Variants in LHCGR observed in about 807,000 individuals in gnomAD.
The protein encoded by LHCGR is lutropin-choriogonadotropic hormone receptor.
In LHCGR, 55 loss-of-function variants were observed where a neutral mutation model predicts 60.7. The ratio of observed to expected loss-of-function variants is 0.91; its 90% CI spans 0.73 to 1.13. LHCGR has a LOEUF of 1.13. Ranked by LOEUF, LHCGR falls within the 50% of genes most tolerant of loss-of-function variation. The pLI is 0.00. For synonymous variants in LHCGR, 337 were observed against 316.5 expected (o/e 1.06, Z -0.69); for missense variants, 862 against 836.0 (o/e 1.03, Z -0.38).
At chr2:48,732,619 T>C (rs1669046606) in intron 1 of LHCGR, among the ~76,000 whole-genome samples, 2 of 152,108 alleles carry the variant, frequency 1.3e-5, no homozygotes, top group Admixed American at 1.3e-4. Context: ...CAGACATCCT[T>C]TCCCTGTGCA....
intron 1 of LHCGR, among the ~76,000 whole-genome samples, chr2:48,745,806 C>T (rs1305873166): frequency 6.6e-6 from 1 of 151,038 alleles, no homozygotes; most frequent in East Asian, 1.9e-4. Flanking sequence ...TGTAACTAAC[C>T]TGCATGTTGT....
chr2:48,687,333 T>C lies in LHCGR; in HGVS notation c.*364A>G, dbSNP rs1465503549. The C allele has an allele frequency of 5.3e-6, 1 of 190,238 alleles. No homozygotes were observed. Among genetic ancestry groups the C allele is most frequent in the East Asian group, 1.3e-4 (1 of 7,494 alleles). The allele number at this position is 190,238 out of a possible 1,614,324, so 11.8% of individuals were successfully genotyped here. On this transcript the variant is annotated 3_prime_UTR_variant, in exon 11 of 11. Coordinates refer to ENST00000294954, the MANE Select transcript of LHCGR (RefSeq NM_000233.4). Reference sequence around the variant, plus strand: ...AAAAAGGCCAGTTATTTTAAATTTCTGATCTGTTATGAACTAATATTTTTA... The same window carrying C: ...AAAAAGGCCAGTTATTTTAAATTTCCGATCTGTTATGAACTAATATTTTTA...
At chr2:48,692,696 T>G (rs536599418) in intron 10 of LHCGR, among the ~76,000 whole-genome samples, 5 of 152,116 alleles carry the variant, frequency 3.3e-5, no homozygotes, top group Non-Finnish European at 5.9e-5. Flanking sequence ...AGGAGGACAA[T>G]AGGGCCAACC....
At chr2:48,706,669 C>T (rs1667694772) in intron 8 of LHCGR, among the ~76,000 whole-genome samples, 1 of 152,170 alleles carries the variant, frequency 6.6e-6, no homozygotes, top group Admixed American at 6.5e-5. Flanking sequence ...ATTTCTTCCA[C>T]TTGATCTAAT....
Position 48,687,692 on chromosome 2 carries a change from A to T in LHCGR, c.*5T>A, listed in dbSNP as rs757573390. On this transcript the variant is annotated 3_prime_UTR_variant, in exon 11 of 11. Transcript: ENST00000294954. ...AATTCAATAATGCAGTTACTGATGT[A>T]ACAGTTAACACTCTGTGTAGCGAGT... is the stretch of plus-strand genomic sequence containing the variant. 1 of 1,609,392 alleles carries T rather than the reference A, an allele frequency of 6.2e-7. No individual in the cohort carries two copies. Among genetic ancestry groups the T allele is most frequent in the Non-Finnish European group, 8.5e-7 (1 of 1,175,730 alleles).
Position 48,688,383 on chromosome 2 carries a change from T to C in LHCGR, c.1414A>G (p.Ile472Val), listed in dbSNP as rs776164234. The part of the protein sequence containing the change: ...LERWHTITYA[I>V]HLDQKLRLRH... Reference sequence around the variant, plus strand: ...AATCGCAGCTTTTGGTCCAGGTGAATAGCATAGGTGATGGTGTGCCATCTT... The same window carrying C: ...AATCGCAGCTTTTGGTCCAGGTGAACAGCATAGGTGATGGTGTGCCATCTT... Residue 472 changes from isoleucine (I) to valine (V), a missense_variant, in exon 11 of 11, where the codon ATT (isoleucine) becomes GTT (valine). By Grantham distance (29) the Ile-to-Val change is conservative. Coordinates refer to ENST00000294954, the MANE Select transcript of LHCGR (RefSeq NM_000233.4). This position sits in a 1 kb window ranked among gnomAD's most constrained non-coding sequence, Gnocchi z 5.2. The C allele has an allele frequency of 3.1e-6, 5 of 1,614,158 alleles. No homozygotes were observed. The South Asian group carries it at 4.4e-5, about 14-fold the overall frequency.
At chr2:48,698,838 A>G (rs1314580992) in intron 8 of LHCGR, 38 bp from the exon 9 acceptor site, 6 of 1,447,942 alleles carry the variant, frequency 4.1e-6, no homozygotes, top group Non-Finnish European at 5.5e-6. Flanking sequence ...TTATTTATTT[A>G]TTTTATACAT....
At chr2:48,700,173 T>C (rs1267803164) in intron 8 of LHCGR, among the ~76,000 whole-genome samples, 4 of 152,230 alleles carry the variant, frequency 2.6e-5, no homozygotes, top group African/African-American at 9.6e-5. Context: ...ATAGGGTTTT[T>C]ATCTCAGACA....
chr2:48,687,715 A>T lies in LHCGR; in HGVS notation c.2082T>A (p.Thr694=). The stretch of plus-strand genomic sequence containing the variant: ...GTAACAGTTAACACTCTGTGTAGCG[A>T]GTCTTGTCTAGGAGAGCTGTACCTT... ...HCQGTALLDK[T]RYTEC The change falls in exon 11 of 11, where the codon ACT becomes ACA. Residue 694 remains threonine, a synonymous_variant. Coordinates refer to ENST00000294954, the MANE Select transcript of LHCGR (RefSeq NM_000233.4). 1 of 1,613,744 alleles carries T rather than the reference A, an allele frequency of 6.2e-7. No individual in the cohort carries two copies. The highest frequency in any genetic ancestry group is 1.7e-5 in the Admixed American group (1 of 60,016).
At chr2:48,723,589 A>T in intron 5 of LHCGR, 33 bp downstream of exon 5, 1 of 1,603,632 alleles carries the variant, frequency 6.2e-7, no homozygotes, top group Non-Finnish European at 8.5e-7. Flanking sequence ...CAAATAGGAA[A>T]CTGTTATGCA....
At chr2:48,708,566 A>G (rs1667814033) in intron 8 of LHCGR, among the ~76,000 whole-genome samples, 1 of 151,984 alleles carries the variant, frequency 6.6e-6, no homozygotes, top group African/African-American at 2.4e-5. Context: ...ACACACACAC[A>G]CACACATGCA....
At chr2:48,749,066 G>T (rs1359981226) in intron 1 of LHCGR, among the ~76,000 whole-genome samples, 1 of 152,188 alleles carries the variant, frequency 6.6e-6, no homozygotes, top group South Asian at 2.1e-4. Flanking sequence ...CAGAGTCAAG[G>T]ACAAGTGTAA....
At chr2:48,721,462 A>T (rs1219494743) in intron 6 of LHCGR, 1 of 272,380 alleles carries the variant, frequency 3.7e-6, no homozygotes, top group East Asian at 8.6e-5. Flanking sequence ...AGTATGGGTT[A>T]TTTTTGAAAT....
rs938241919 is a variant in LHCGR at position 48,691,806 on chromosome 2, A to T, written c.947+2418T>A. ...GGTTGCAGTGAGCTGAGATCGTGCCACTGCACTCCAACCTAAGTGACAGAC... is the reference window on the plus strand; with the variant it reads ...GGTTGCAGTGAGCTGAGATCGTGCCTCTGCACTCCAACCTAAGTGACAGAC... On this transcript the variant is annotated intron_variant, in intron 10 of 10. Transcript: ENST00000294954. Among the ~76,000 whole-genome samples, 6 of 149,820 alleles carry T rather than the reference A, an allele frequency of 4.0e-5. No individual in the cohort carries two copies. The South Asian group carries it at 1.3e-3, about 32-fold the overall frequency.
At chr2:48,754,899 C>T (rs751108120) in intron 1 of LHCGR, among the ~76,000 whole-genome samples, 6 of 152,032 alleles carry the variant, frequency 3.9e-5, no homozygotes, top group Non-Finnish European at 8.8e-5. Flanking sequence ...GGAGGTGGTG[C>T]GCGGGTGCCA....
chr2:48,711,080 C>G (rs529835708), intron 7 of LHCGR, among the ~76,000 whole-genome samples: 1 of 152,294 alleles, frequency 6.6e-6, no homozygotes, highest in South Asian at 2.1e-4. Context: ...TTTTCCAGCT[C>G]AGGACCTTTG....
chr2:48,746,107 A>G (rs1042234677), intron 1 of LHCGR, among the ~76,000 whole-genome samples: 1 of 152,148 alleles, frequency 6.6e-6, no homozygotes, highest in African/African-American at 2.4e-5. Flanking sequence ...CAATATGAAG[A>G]CTCAATAAGT....
chr2:48,710,872 T>C (rs919279497), intron 7 of LHCGR, among the ~76,000 whole-genome samples: 3 of 152,204 alleles, frequency 2.0e-5, no homozygotes, highest in African/African-American at 7.2e-5. Context: ...AAATTTTGCT[T>C]GACAGTTTTG....
At chr2:48,695,225 G>T (rs931393844) in intron 9 of LHCGR, among the ~76,000 whole-genome samples, 7 of 151,942 alleles carry the variant, frequency 4.6e-5, no homozygotes, top group African/African-American at 1.7e-4. Context: ...TGTGAATATT[G>T]TTTCCCATCC....
Sources: gnomAD v4.1 joint callset for allele counts (sites outside exome capture counted in the v4.1 genomes callset) on GRCh38, gnomAD v4.1.1 for gene constraint, Gnocchi (gnomAD v3.1) non-coding constraint, MANE v1.5 for transcripts, NCBI Gene and HGNC (gene_info 2026-07-23, HGNC 2026-07-21) for gene names.